The following REEP1 variants were observed in gnomAD, a reference collection of about 807,000 sequenced individuals.
REEP1 encodes the protein receptor expression-enhancing protein 1.
In REEP1, 22 loss-of-function variants were observed where a neutral mutation model predicts 40.3. That is an observed-to-expected ratio of 0.55 (90% CI 0.39 to 0.78). REEP1 has a LOEUF of 0.78. Ranked by LOEUF, REEP1 falls within the 30% of genes least tolerant of loss-of-function variation. The probability of loss-of-function intolerance (pLI) is 0.00; values close to 1 mark genes in which losing one functional copy is unlikely to be tolerated. For missense variants in REEP1, 280 were observed against 361.1 expected (o/e 0.78, Z 1.82); for synonymous variants, 116 against 139.2 (o/e 0.83, Z 1.17).
intron 2 of REEP1, among the ~76,000 whole-genome samples, chr2:86,277,510 C>T (rs1454136505): frequency 5.3e-5 from 8 of 149,900 alleles, no homozygotes; most frequent in Non-Finnish European, 7.4e-5. Flanking sequence ...GAGCCGAGAT[C>T]GTGCCACTGC....
chr2:86,263,391 G>C (rs150366809), intron 3 of REEP1, among the ~76,000 whole-genome samples: 1 of 151,780 alleles, frequency 6.6e-6, no homozygotes, highest in Non-Finnish European at 1.5e-5. Flanking sequence ...CACCATGCCC[G>C]GCTAATTATT....
chr2:86,330,414 G>GGTGTGTGTGTGTGT (rs55660803), intron 1 of REEP1, among the ~76,000 whole-genome samples: 98 of 127,882 alleles, frequency 7.7e-4, no homozygotes, highest in East Asian at 5.5e-3. Context: ...AGTGAATCCT[G>GGTGTGTGTGTGTGT]GTGTGTGTGT....
chr2:86,241,525 C>T (rs991883366), intron 5 of REEP1, among the ~76,000 whole-genome samples: 1 of 152,178 alleles, frequency 6.6e-6, no homozygotes, highest in Admixed American at 6.5e-5. Context: ...CAGTGAGGGA[C>T]AGTCCAGGTA....
chr2:86,234,640 A>G (rs77252919), intron 5 of REEP1, among the ~76,000 whole-genome samples: 17 of 152,376 alleles, frequency 1.1e-4, no homozygotes, highest in Non-Finnish European at 1.9e-4. Context: ...CAACAACAAT[A>G]ACACAAAGAA....
At chr2:86,218,622 C>T (rs1433995737) in intron 8 of REEP1, among the ~76,000 whole-genome samples, 1 of 152,234 alleles carries the variant, frequency 6.6e-6, no homozygotes, top group East Asian at 1.9e-4. Flanking sequence ...CAAAACAGCA[C>T]AAACCCTTGG....
At chr2:86,253,656 G>A (rs1051382608) in intron 4 of REEP1, among the ~76,000 whole-genome samples, 8 of 152,172 alleles carry the variant, frequency 5.3e-5, no homozygotes, top group Non-Finnish European at 1.2e-4. Context: ...ACAGGGATCC[G>A]TTCCTCAAAA....
At chr2:86,236,579 G>A (rs972985041) in intron 5 of REEP1, among the ~76,000 whole-genome samples, 10 of 152,058 alleles carry the variant, frequency 6.6e-5, no homozygotes, top group African/African-American at 2.2e-4. Context: ...TGGAGGATGA[G>A]GGGGGAGGAT....
At chr2:86,245,983 C>G (rs997684486) in intron 5 of REEP1, among the ~76,000 whole-genome samples, 7 of 152,216 alleles carry the variant, frequency 4.6e-5, no homozygotes, top group East Asian at 3.9e-4. Flanking sequence ...CCAGGATGGT[C>G]TCGATCTCCT....
intron 1 of REEP1, among the ~76,000 whole-genome samples, chr2:86,315,731 A>G (rs1044330456): frequency 1.3e-5 from 2 of 152,196 alleles, no homozygotes; most frequent in African/African-American, 2.4e-5. Flanking sequence ...TATTGGTAAG[A>G]GGACCCAGAT....
intron 2 of REEP1, among the ~76,000 whole-genome samples, chr2:86,268,877 A>T (rs1486249751): frequency 2.0e-5 from 3 of 152,224 alleles, no homozygotes; most frequent in African/African-American, 7.2e-5. Flanking sequence ...CAGTAGAGAA[A>T]AGATGGTCTT....
At chr2:86,282,358 G>T in intron 1 of REEP1, 116 bp from the exon 2 acceptor site, 1 of 813,896 alleles carries the variant, frequency 1.2e-6, no homozygotes, top group Non-Finnish European at 2.1e-6. Context: ...CTGCTGTGGG[G>T]CTTGATTTAT....
intron 7 of REEP1, 152 bp from the exon 8 acceptor site, chr2:86,220,273 G>A (rs780418023): frequency 2.1e-5 from 9 of 430,646 alleles, no homozygotes; most frequent in Non-Finnish European, 3.5e-5. Context: ...AAGCACTGAT[G>A]TTTTGGGGGC....
chr2:86,288,297 C>T (rs543280031), intron 1 of REEP1, among the ~76,000 whole-genome samples: 1 of 152,200 alleles, frequency 6.6e-6, no homozygotes, highest in East Asian at 1.9e-4. Flanking sequence ...GCTAGGATTA[C>T]AGGCGTGAGC....
At chr2:86,244,540 C>T (rs1374384475) in intron 5 of REEP1, among the ~76,000 whole-genome samples, 1 of 152,154 alleles carries the variant, frequency 6.6e-6, no homozygotes, top group African/African-American at 2.4e-5. Context: ...GTCAGGAAAG[C>T]AGAGGTCATG....
At chr2:86,272,810 C>T (rs1677529243) in intron 2 of REEP1, among the ~76,000 whole-genome samples, 1 of 152,190 alleles carries the variant, frequency 6.6e-6, no homozygotes, top group African/African-American at 2.4e-5. Flanking sequence ...ACAATCCATC[C>T]TCCAAATTCC....
intron 5 of REEP1, among the ~76,000 whole-genome samples, chr2:86,241,535 A>G (rs917665666): frequency 6.6e-6 from 1 of 152,158 alleles, no homozygotes; most frequent in African/African-American, 2.4e-5. Context: ...CAGTCCAGGT[A>G]CTCAGCCACC....
At position 86,262,676 on chromosome 2, in the gene REEP1, A is replaced by G. The variant is rs556729150; in HGVS notation, c.182+1289T>C. Among the ~76,000 whole-genome samples, 6 of 152,358 alleles carry G rather than the reference A, an allele frequency of 3.9e-5. No individual in the cohort carries two copies. The East Asian group carries it at 1.2e-3, about 29-fold the overall frequency. ...TTTGGGTAAGAACCTGTTTTCTCCA[A>G]AGTGGAAATATCTTGATTACTTTCT... On this transcript the variant is annotated intron_variant, in intron 3 of 8. Transcript: ENST00000538924.
chr2:86,284,235 A>AC (rs1232899231), intron 1 of REEP1, among the ~76,000 whole-genome samples: 4 of 151,020 alleles, frequency 2.6e-5, no homozygotes, highest in Non-Finnish European at 4.4e-5. Flanking sequence ...TGACCTGGTC[A>AC]CCCCCCCTGA....
intron 5 of REEP1, among the ~76,000 whole-genome samples, chr2:86,248,540 C>T (rs1331895630): frequency 6.6e-6 from 1 of 152,044 alleles, no homozygotes; most frequent in Non-Finnish European, 1.5e-5. Flanking sequence ...TTCTACCTCC[C>T]GGGCTCAAGC....
Sources: allele counts gnomAD v4.1 joint callset (sites outside exome capture counted in the v4.1 genomes callset), GRCh38; gene constraint gnomAD v4.1.1; transcripts MANE v1.5; gene names NCBI Gene and HGNC (gene_info 2026-07-23, HGNC 2026-07-21).